The following PLXNA4 variants were observed in gnomAD, a reference collection of about 807,000 sequenced individuals.
The protein encoded by PLXNA4 is plexin-A4.
PLXNA4 carries 44 observed loss-of-function variants against 191.8 expected under a neutral mutation model. That is an observed-to-expected ratio of 0.23 (90% CI 0.18 to 0.29). The LOEUF (loss-of-function observed/expected upper bound fraction) is 0.29, where lower values mean the gene tolerates loss of function less well. PLXNA4 is among the 10% of genes least tolerant of loss of function. The pLI is 1.00. For missense variants in PLXNA4, 1,800 were observed against 2,488.8 expected, an observed-to-expected ratio of 0.72 and a Z score of 5.89; for synonymous variants, 1,082 against 1,009.5, an observed-to-expected ratio of 1.07 and a Z score of -1.36.
intron 3 of PLXNA4, among the ~76,000 whole-genome samples, chr7:132,487,695 G>A (rs1351867455): frequency 6.6e-6 from 1 of 152,160 alleles, no homozygotes; most frequent in African/African-American, 2.4e-5. Context: ...GGCAGCAACT[G>A]GAAGTGATGA....
intron 10 of PLXNA4, among the ~76,000 whole-genome samples, chr7:132,207,322 G>A (rs923492205): frequency 2.0e-5 from 3 of 152,218 alleles, no homozygotes; most frequent in Non-Finnish European, 2.9e-5. Context: ...GCATGAGTCC[G>A]CGGAAGCTGG....
intron 22 of PLXNA4, among the ~76,000 whole-genome samples, chr7:132,167,017 A>C (rs1416969644): frequency 1.3e-5 from 2 of 152,182 alleles, no homozygotes; most frequent in Non-Finnish European, 2.9e-5. Context: ...CCTGAGACCC[A>C]AAGACCAAAG....
intron 2 of PLXNA4, among the ~76,000 whole-genome samples, chr7:132,640,730 C>T (rs1803724594): frequency 6.6e-6 from 1 of 151,652 alleles, no homozygotes; most frequent in African/African-American, 2.4e-5. Context: ...TCATCAAATC[C>T]AGGACACTAT....
At chr7:132,381,802 C>T (rs1358750559) in intron 3 of PLXNA4, among the ~76,000 whole-genome samples, 1 of 152,172 alleles carries the variant, frequency 6.6e-6, no homozygotes, top group Non-Finnish European at 1.5e-5. Context: ...CCAGGAGCCC[C>T]GAGCAGGGTC....
chr7:132,573,774 G>T (rs1802090344), intron 1 of PLXNA4, among the ~76,000 whole-genome samples: 1 of 152,192 alleles, frequency 6.6e-6, no homozygotes, highest in South Asian at 2.1e-4. Context: ...GCGTGATTGG[G>T]TAAGAAGGAG....
upstream of PLXNA4, among the ~76,000 whole-genome samples, chr7:132,581,714 A>G (rs1802405896): frequency 6.6e-6 from 1 of 151,590 alleles, no homozygotes. Flanking sequence ...GGTGGGGAGG[A>G]CACCCCTCTC....
chr7:132,197,807 G>A (rs1270438180), intron 13 of PLXNA4, among the ~76,000 whole-genome samples: 1 of 152,170 alleles, frequency 6.6e-6, no homozygotes, highest in Non-Finnish European at 1.5e-5. Context: ...AATAACTTAT[G>A]CATACAGCAC....
At chr7:132,217,034 G>C (rs1797984719) in intron 9 of PLXNA4, among the ~76,000 whole-genome samples, 1 of 152,202 alleles carries the variant, frequency 6.6e-6, no homozygotes, top group Non-Finnish European at 1.5e-5. Flanking sequence ...AGAATGCAGG[G>C]GGGTGAGAAG....
intron 14 of PLXNA4, 60 bp from the exon 15 acceptor site, chr7:132,187,667 C>T (rs1366805747): frequency 9.7e-6 from 15 of 1,542,474 alleles, no homozygotes; most frequent in African/African-American, 1.4e-5. Flanking sequence ...GGCTTCTGGG[C>T]AGGCGTGAGG....
At chr7:132,182,021 G>C in intron 17 of PLXNA4, 76 bp downstream of exon 17, 3 of 1,605,844 alleles carry the variant, frequency 1.9e-6, no homozygotes, top group Non-Finnish European at 2.6e-6. Flanking sequence ...CTCAGTACTT[G>C]GGAAGACCCA....
intron 1 of PLXNA4, among the ~76,000 whole-genome samples, chr7:132,538,451 C>A (rs1437592329): frequency 6.6e-6 from 1 of 152,232 alleles, no homozygotes; most frequent in East Asian, 1.9e-4. Flanking sequence ...ACAGAGCAAG[C>A]ACCAAGATTG....
intron 1 of PLXNA4, among the ~76,000 whole-genome samples, chr7:132,529,653 T>G (rs1799547796): frequency 6.7e-6 from 1 of 149,232 alleles, no homozygotes; most frequent in Admixed American, 6.7e-5. Context: ...TCGCCCAGGC[T>G]GGAGTGCAGT....
chr7:132,603,464 T>C (rs1802858884), intron 2 of PLXNA4, among the ~76,000 whole-genome samples: 1 of 152,082 alleles, frequency 6.6e-6, no homozygotes, highest in Admixed American at 6.6e-5. Context: ...AAGCAAAAGA[T>C]TCATTGACCT....
At chr7:132,569,655 A>C (rs1563180704) in intron 1 of PLXNA4, among the ~76,000 whole-genome samples, 1 of 152,256 alleles carries the variant, frequency 6.6e-6, no homozygotes, top group Non-Finnish European at 1.5e-5. Flanking sequence ...ATCTACATCT[A>C]TTTGTATCCA....
chr7:132,562,825 CCTT>C (rs1563174826), intron 1 of PLXNA4, among the ~76,000 whole-genome samples: 1 of 117,644 alleles, frequency 8.5e-6, no homozygotes, highest in Non-Finnish European at 1.8e-5. Flanking sequence ...TTCTCCTCCT[CCTT>C]CTCCTCCTCC....
chr7:132,306,071 CAG>C (rs1801508824), intron 3 of PLXNA4, among the ~76,000 whole-genome samples: 1 of 152,150 alleles, frequency 6.6e-6, no homozygotes, highest in Non-Finnish European at 1.5e-5. Context: ...ACCTCAAACA[CAG>C]AGGCACGTGG....
In PLXNA4 at chr7:132,211,154, A is replaced by C. The variant is rs1253409713; in HGVS notation, c.2098-11T>G. The stretch of plus-strand genomic sequence containing the variant: ...CAGCTGGGGGCAGTCCTGGGGACAG[A>C]GGGCATGGCTCAGGCTGGGCAGCCA... On this transcript the variant is annotated splice_polypyrimidine_tract_variant and intron_variant, in intron 9 of 31. Coordinates refer to ENST00000321063, the MANE Select transcript of PLXNA4 (RefSeq NM_020911.2). The C allele has an allele frequency of 6.4e-7, 1 of 1,552,380 alleles. No homozygotes were observed. Among genetic ancestry groups the C allele is most frequent in the African/African-American group, 1.4e-5 (1 of 73,174 alleles).
Position 132,331,493 on chromosome 7 carries a change from T to C in PLXNA4, c.1372-33271A>G, listed in dbSNP as rs1232431847. Among the ~76,000 whole-genome samples, 3 of 152,346 alleles carry C rather than the reference T, an allele frequency of 2.0e-5. No homozygotes were observed. In the East Asian group the frequency reaches 5.8e-4, roughly 29 times the overall value. ...GACCTGGGGCATCAGGTCTGAGTCT[T>C]GCCCATGTCACTCCCCAGGGAAGGT... On this transcript the variant is annotated intron_variant, in intron 3 of 31. Coordinates refer to ENST00000321063, the MANE Select transcript of PLXNA4 (RefSeq NM_020911.2).
chr7:132,575,979 G>A (rs1011871096), intron 1 of PLXNA4, among the ~76,000 whole-genome samples: 2 of 152,184 alleles, frequency 1.3e-5, no homozygotes, highest in Admixed American at 1.3e-4. Flanking sequence ...AAGGCCACGG[G>A]GCCGCGATGA....
Sources: allele counts gnomAD v4.1 joint callset (sites outside exome capture counted in the v4.1 genomes callset), GRCh38; gene constraint gnomAD v4.1.1; transcripts MANE v1.5; gene names NCBI Gene and HGNC (gene_info 2026-07-23, HGNC 2026-07-21).